The following NICOL1 variants were observed in gnomAD, a reference collection of about 807,000 sequenced individuals.
The protein encoded by NICOL1 is NELL2 interacting cell ontogeny regulator 1, also known as NELL2-interacting cell ontogeny regulator 1.
chr4:2,036,919 A>C, the NICOL1 span, among the ~76,000 whole-genome samples: 2 of 152,036 alleles, frequency 1.3e-5, no homozygotes, highest in South Asian at 4.2e-4. Context: ...GAGGCACTGG[A>C]TGACCACGTT....
At chr4:2,042,837 G>T in the NICOL1 span, 2 of 1,474,890 alleles carry the variant, frequency 1.4e-6, no homozygotes, top group Non-Finnish European at 9.0e-7. Flanking sequence ...GAGCGCCCGC[G>T]GCGCGACGGT....
At chr4:2,043,186 G>A in the NICOL1 span, among the ~76,000 whole-genome samples, 4 of 152,208 alleles carry the variant, frequency 2.6e-5, no homozygotes, top group Admixed American at 6.5e-5. Flanking sequence ...CCCCAGGGCA[G>A]AGGAGAAACT....
At chr4:2,042,245 T>A in the NICOL1 span, 7 of 783,066 alleles carry the variant, frequency 8.9e-6, no homozygotes, top group Non-Finnish European at 1.2e-5. Flanking sequence ...TGGACAAGGG[T>A]CGTGGGGCCC....
the NICOL1 span, among the ~76,000 whole-genome samples, chr4:2,038,764 G>A: frequency 3.9e-5 from 6 of 152,276 alleles, no homozygotes; most frequent in African/African-American, 1.4e-4. Flanking sequence ...ATAATATTGA[G>A]ATTAATTATT....
the NICOL1 span, among the ~76,000 whole-genome samples, chr4:2,039,005 T>A: frequency 6.6e-6 from 1 of 152,240 alleles, no homozygotes; most frequent in South Asian, 2.1e-4. Flanking sequence ...AAGCATTAAA[T>A]AAGCGAAATG....
chr4:2,043,772 G>A, the NICOL1 span: 4 of 1,065,370 alleles, frequency 3.8e-6, no homozygotes, highest in Non-Finnish European at 4.1e-6. Context: ...AGGAGCCGGT[G>A]GAGATAGGGC....
the NICOL1 span, chr4:2,042,563 G>T: frequency 2.1e-6 from 1 of 479,678 alleles, no homozygotes; most frequent in East Asian, 3.5e-5. Context: ...TCTGCGGGGA[G>T]GACCGCGCCT....
At chr4:2,040,333 C>T in the NICOL1 span, among the ~76,000 whole-genome samples, 3 of 152,242 alleles carry the variant, frequency 2.0e-5, no homozygotes, top group Non-Finnish European at 4.4e-5. Flanking sequence ...TCTTGAACTC[C>T]TGACCCCAGG....
At chr4:2,038,264 T>TGTATATAC in the NICOL1 span, among the ~76,000 whole-genome samples, 1 of 69,530 alleles carries the variant, frequency 1.4e-5, no homozygotes, top group African/African-American at 6.9e-5. Flanking sequence ...TATATATATA[T>TGTATATAC]ATATATATAT....
At chr4:2,037,498 T>C in the NICOL1 span, among the ~76,000 whole-genome samples, 4 of 152,248 alleles carry the variant, frequency 2.6e-5, no homozygotes, top group African/African-American at 9.6e-5. Flanking sequence ...GTGTGATGCA[T>C]TGAAAACATT....
chr4:2,042,407 T>C, the NICOL1 span: 1 of 498,632 alleles, frequency 2.0e-6, no homozygotes, highest in South Asian at 3.0e-5. Flanking sequence ...CCGCCGCTGC[T>C]GCTGCTGCTG....
At chr4:2,042,356 C>A in the NICOL1 span, 1 of 508,560 alleles carries the variant, frequency 2.0e-6, no homozygotes, top group Non-Finnish European at 3.4e-6. Flanking sequence ...CTGGCCATGG[C>A]CCCCCCGCCC....
At chr4:2,039,867 A>G in the NICOL1 span, among the ~76,000 whole-genome samples, 1 of 152,154 alleles carries the variant, frequency 6.6e-6, no homozygotes, top group African/African-American at 2.4e-5. Flanking sequence ...TCTAATTAAT[A>G]TATATAATTC....
the NICOL1 span, chr4:2,042,274 T>C: frequency 1.3e-6 from 1 of 741,822 alleles, no homozygotes. Flanking sequence ...GGACGGGGGC[T>C]CACCGGCCCG....
the NICOL1 span, chr4:2,042,735 G>A: frequency 1.3e-6 from 2 of 1,510,600 alleles, no homozygotes; most frequent in Non-Finnish European, 1.8e-6. Context: ...GCCCCCCGCA[G>A]GCCGCCCATG....
chr4:2,042,725 GC>G, the NICOL1 span: 2 of 1,497,178 alleles, frequency 1.3e-6, no homozygotes, highest in Non-Finnish European at 1.8e-6. Flanking sequence ...CCTGACCCGC[GC>G]CCCCCGCAGG....
At chr4:2,042,730 C>G in the NICOL1 span, 2 of 1,509,356 alleles carry the variant, frequency 1.3e-6, no homozygotes, top group Admixed American at 2.0e-5. Flanking sequence ...CCCGCGCCCC[C>G]CGCAGGCCGC....
the NICOL1 span, among the ~76,000 whole-genome samples, chr4:2,036,620 C>T: frequency 9.2e-5 from 14 of 152,292 alleles, no homozygotes; most frequent in South Asian, 1.9e-3. Context: ...ACAACATGTT[C>T]AGGGCGGCCC....
the NICOL1 span, chr4:2,042,051 C>T: frequency 2.0e-6 from 3 of 1,475,728 alleles, no homozygotes; most frequent in African/African-American, 1.5e-5. Flanking sequence ...CTGCTGGTCC[C>T]GGGGTCCCTG....
Sources: allele counts gnomAD v4.1 joint callset (sites outside exome capture counted in the v4.1 genomes callset), GRCh38; gene constraint gnomAD v4.1.1; transcripts MANE v1.5; gene names NCBI Gene and HGNC (gene_info 2026-07-23, HGNC 2026-07-21).